Variants in CALN1 observed in about 807,000 individuals in gnomAD.
CALN1 encodes calneuron 1, also known as calcium-binding protein 8.
A neutral mutation model predicts 30.6 loss-of-function variants in CALN1; 17 were observed. The observed-to-expected ratio is 0.56, with a 90% CI of 0.38 to 0.83. The LOEUF (loss-of-function observed/expected upper bound fraction) is 0.83. Among genes scored for constraint, CALN1 ranks in the 40% least tolerant of loss-of-function variants. The pLI, the probability that CALN1 is intolerant of heterozygous loss-of-function variation, is 0.00. For synonymous variants in CALN1, 156 were observed against 131.4 expected, an observed-to-expected ratio of 1.19 and a Z score of -1.28; for missense variants, 291 against 354.9, an observed-to-expected ratio of 0.82 and a Z score of 1.45.
intron 4 of CALN1, among the ~76,000 whole-genome samples, chr7:72,061,054 G>C (rs910651223): frequency 4.6e-5 from 7 of 152,198 alleles, no homozygotes; most frequent in African/African-American, 7.2e-5. Flanking sequence ...GATCTGAATA[G>C]TGTTGCAAAG....
intron 5 of CALN1, among the ~76,000 whole-genome samples, chr7:72,018,328 C>T (rs956747571): frequency 6.6e-6 from 1 of 152,098 alleles, no homozygotes; most frequent in Non-Finnish European, 1.5e-5. Context: ...AAGCCTACCC[C>T]CCAGTCCTGA....
intron 5 of CALN1, among the ~76,000 whole-genome samples, chr7:71,858,548 G>A (rs913007538): frequency 6.6e-6 from 1 of 150,412 alleles, no homozygotes; most frequent in African/African-American, 2.4e-5. Context: ...TGCCCACCTT[G>A]CCCACAAGGA....
At position 72,115,677 on chromosome 7, in the gene CALN1, C is replaced by T. The variant is rs893135203; in HGVS notation, c.245-9383G>A. Among the ~76,000 whole-genome samples the T allele has an allele frequency of 3.1e-4, 47 of 151,330 alleles. 1 individual carries two copies. Among genetic ancestry groups the T allele is most frequent in the Admixed American group, 1.8e-3 (27 of 15,164 alleles). On this transcript the variant is annotated intron_variant, in intron 3 of 6. Transcript: ENST00000395275. ...CTAATTTTTGTATTTTTAGTAGAGC[C>T]GGGTTTCGCCACGTTGGCCAGGCTG...
At chr7:72,088,969 G>T (rs147357640) in intron 4 of CALN1, among the ~76,000 whole-genome samples, 3 of 151,970 alleles carry the variant, frequency 2.0e-5, no homozygotes, top group African/African-American at 7.2e-5. Flanking sequence ...CTTTATGTCA[G>T]AACAAATATA....
chr7:72,374,326 C>CGA (rs1804416173), intron 2 of CALN1, among the ~76,000 whole-genome samples: 1 of 152,148 alleles, frequency 6.6e-6, no homozygotes, highest in African/African-American at 2.4e-5. Flanking sequence ...GTCAGGAGCT[C>CGA]AATCCCAGCC....
chr7:72,049,416 A>G (rs1379997628), intron 4 of CALN1, among the ~76,000 whole-genome samples: 1 of 152,228 alleles, frequency 6.6e-6, no homozygotes, highest in Non-Finnish European at 1.5e-5. Context: ...TCACTAGCAG[A>G]TCAAATAAGC....
chr7:71,985,309 G>A (rs372688906), intron 5 of CALN1, among the ~76,000 whole-genome samples: 2 of 152,266 alleles, frequency 1.3e-5, no homozygotes, highest in South Asian at 2.1e-4. Flanking sequence ...GCTTTCATAA[G>A]GTATTGATGA....
At chr7:71,899,170 A>C (rs974613806) in intron 5 of CALN1, among the ~76,000 whole-genome samples, 1 of 128,302 alleles carries the variant, frequency 7.8e-6, no homozygotes, top group Non-Finnish European at 1.6e-5. Context: ...TTTGAGACGG[A>C]GTTTCACTCG....
chr7:71,898,476 G>C (rs1394417355), intron 5 of CALN1, among the ~76,000 whole-genome samples: 4 of 152,176 alleles, frequency 2.6e-5, no homozygotes, highest in African/African-American at 9.7e-5. Flanking sequence ...GTAGAGGACA[G>C]AGAATACAAG....
chr7:72,245,721 G>C (rs1795117962), intron 3 of CALN1, among the ~76,000 whole-genome samples: 1 of 152,194 alleles, frequency 6.6e-6, no homozygotes, highest in Non-Finnish European at 1.5e-5. Flanking sequence ...CCATTGGCTA[G>C]AGGCAATGCT....
chr7:72,319,212 C>T (rs570830282), intron 2 of CALN1, among the ~76,000 whole-genome samples: 1 of 152,278 alleles, frequency 6.6e-6, no homozygotes, highest in East Asian at 1.9e-4. Context: ...TTTCATGCTG[C>T]TGATAAACAC....
intron 3 of CALN1, among the ~76,000 whole-genome samples, chr7:72,242,589 T>G (rs552900670): frequency 1.3e-5 from 2 of 152,156 alleles, no homozygotes; most frequent in Non-Finnish European, 2.9e-5. Context: ...TAAATATGGT[T>G]GAAATATTAA....
chr7:72,178,497 C>T (rs983687131), intron 3 of CALN1, among the ~76,000 whole-genome samples: 4 of 152,068 alleles, frequency 2.6e-5, no homozygotes, highest in African/African-American at 9.7e-5. Flanking sequence ...TCGAGACCAG[C>T]CTGACCAACA....
At chr7:72,051,799 G>C (rs937645665) in intron 4 of CALN1, among the ~76,000 whole-genome samples, 2 of 152,124 alleles carry the variant, frequency 1.3e-5, no homozygotes, top group African/African-American at 4.8e-5. Context: ...ACAATAAAAA[G>C]TGTGGTGGTC....
At chr7:72,386,781 G>A (rs1468550476) in intron 2 of CALN1, among the ~76,000 whole-genome samples, 5 of 152,032 alleles carry the variant, frequency 3.3e-5, no homozygotes, top group African/African-American at 9.7e-5. Flanking sequence ...GGCTACAGGG[G>A]CATGCCACCA....
the CALN1 span, among the ~76,000 whole-genome samples, chr7:72,486,223 A>T: frequency 2.6e-5 from 4 of 152,186 alleles, no homozygotes; most frequent in Non-Finnish European, 4.4e-5. Flanking sequence ...ACAATATTAT[A>T]ATCTTATGGG....
At chr7:72,401,412 C>T (rs1806333755) in intron 2 of CALN1, among the ~76,000 whole-genome samples, 3 of 152,146 alleles carry the variant, frequency 2.0e-5, no homozygotes, top group African/African-American at 4.8e-5. Flanking sequence ...GCCCACTGCA[C>T]AAAGAAAATC....
intron 4 of CALN1, among the ~76,000 whole-genome samples, chr7:72,031,334 G>T (rs767578424): frequency 3.9e-5 from 6 of 152,190 alleles, no homozygotes; most frequent in Non-Finnish European, 8.8e-5. Context: ...CATCATTTCA[G>T]AGAGTAATAA....
intron 5 of CALN1, among the ~76,000 whole-genome samples, chr7:71,855,343 A>T (rs779947687): frequency 6.6e-6 from 1 of 152,120 alleles, no homozygotes; most frequent in Non-Finnish European, 1.5e-5. Flanking sequence ...GACGCTGGAC[A>T]ATGACTGCTT....
Sources: gnomAD v4.1 joint callset for allele counts (sites outside exome capture counted in the v4.1 genomes callset) on GRCh38, gnomAD v4.1.1 for gene constraint, MANE v1.5 for transcripts, NCBI Gene and HGNC (gene_info 2026-07-23, HGNC 2026-07-21) for gene names.